SHANK2: variants seen among roughly 807,000 people sequenced by gnomAD.
SHANK2 encodes the protein SH3 and multiple ankyrin repeat domains protein 2.
A neutral mutation model predicts 133.7 loss-of-function variants in SHANK2; 43 were observed. The ratio of observed to expected loss-of-function variants is 0.32; its 90% CI spans 0.25 to 0.41. The LOEUF is 0.41. SHANK2 is among the 10% of genes least tolerant of loss of function. The probability of loss-of-function intolerance (pLI) is 1.00; values close to 1 mark genes in which losing one functional copy is unlikely to be tolerated. For synonymous variants in SHANK2, 1,017 were observed against 952.8 expected (o/e 1.07, Z -1.24); for missense variants, 1,994 against 2,235.8 (o/e 0.89, Z 2.18).
chr11:70,782,405 T>G (rs1555045371), intron 14 of SHANK2, among the ~76,000 whole-genome samples: 1 of 152,228 alleles, frequency 6.6e-6, no homozygotes. Context: ...CCAGCCTCCC[T>G]GGCATAGATG....
intron 10 of SHANK2, among the ~76,000 whole-genome samples, chr11:70,939,461 G>C (rs554789219): frequency 4.6e-5 from 7 of 152,276 alleles, no homozygotes; most frequent in Non-Finnish European, 1.0e-4. Context: ...CTGGGCAACA[G>C]AGTGAGACTG....
At chr11:70,683,791 T>G (rs548140051) in intron 15 of SHANK2, among the ~76,000 whole-genome samples, 1 of 150,678 alleles carries the variant, frequency 6.6e-6, no homozygotes, top group South Asian at 2.1e-4. Context: ...TCCTTTTTGT[T>G]TTTTTTTTTT....
chr11:70,869,413 C>T (rs13377377), intron 11 of SHANK2, among the ~76,000 whole-genome samples: 1,742 of 152,300 alleles, frequency 0.011, 29 homozygotes, highest in African/African-American at 0.039. Context: ...CGTTATTAAA[C>T]CCACTGGGAC....
intron 17 of SHANK2, among the ~76,000 whole-genome samples, chr11:70,509,745 G>A (rs892849856): frequency 6.6e-6 from 1 of 151,542 alleles, no homozygotes; most frequent in African/African-American, 2.4e-5. Flanking sequence ...ATCATGAGGC[G>A]GAGCCTTCGT....
intron 13 of SHANK2, among the ~76,000 whole-genome samples, chr11:70,802,007 G>T (rs983740428): frequency 1.4e-4 from 21 of 152,268 alleles, no homozygotes; most frequent in African/African-American, 5.1e-4. Flanking sequence ...AAGCACAGAG[G>T]GGGTGCGGCG....
intron 17 of SHANK2, among the ~76,000 whole-genome samples, chr11:70,533,937 T>A (rs554074902): frequency 1.3e-5 from 2 of 152,318 alleles, no homozygotes; most frequent in East Asian, 3.9e-4. Context: ...GCACGTCTCA[T>A]CACTTTCTTC....
intron 17 of SHANK2, among the ~76,000 whole-genome samples, chr11:70,509,445 G>C (rs998762996): frequency 1.9e-5 from 1 of 52,370 alleles, no homozygotes; most frequent in Non-Finnish European, 9.1e-5. Flanking sequence ...TCCCATTGAG[G>C]GGGGGCTCCC....
At chr11:70,717,887 A>C (rs1489400792) in intron 14 of SHANK2, among the ~76,000 whole-genome samples, 1 of 152,236 alleles carries the variant, frequency 6.6e-6, no homozygotes, top group African/African-American at 2.4e-5. Context: ...ATGAAGAAGA[A>C]AGATGGCTCC....
At chr11:71,094,462 T>C in intron 7 of SHANK2, 75 bp downstream of exon 7, 1 of 1,440,628 alleles carries the variant, frequency 6.9e-7, no homozygotes, top group Non-Finnish European at 9.4e-7. Context: ...GGATGGGCAC[T>C]GCGGGGATGG....
At chr11:70,823,102 C>T (rs2135362006) in intron 11 of SHANK2, among the ~76,000 whole-genome samples, 1 of 32,862 alleles carries the variant, frequency 3.0e-5, no homozygotes, top group African/African-American at 1.6e-4. Flanking sequence ...GTGGCGCTGG[C>T]AGAGCTCACG....
intron 14 of SHANK2, among the ~76,000 whole-genome samples, chr11:70,774,976 C>T (rs1947330715): frequency 6.6e-6 from 1 of 151,908 alleles, no homozygotes; most frequent in South Asian, 2.1e-4. Flanking sequence ...CTGGGCAAGA[C>T]AGTGAGACTG....
At chr11:71,146,945 G>A (rs1393412208) in intron 3 of SHANK2, among the ~76,000 whole-genome samples, 175 bp downstream of exon 3, 1 of 152,104 alleles carries the variant, frequency 6.6e-6, no homozygotes, top group Non-Finnish European at 1.5e-5. Flanking sequence ...GAGGGGAGGC[G>A]GGCACGGCAG....
intron 14 of SHANK2, among the ~76,000 whole-genome samples, chr11:70,750,493 C>G (rs1047697968): frequency 6.6e-6 from 1 of 152,150 alleles, no homozygotes; most frequent in Non-Finnish European, 1.5e-5. Context: ...GCCATTTGAC[C>G]GTGGATGAAG....
intron 14 of SHANK2, among the ~76,000 whole-genome samples, chr11:70,769,577 T>G (rs1412531976): frequency 1.3e-5 from 2 of 152,138 alleles, no homozygotes; most frequent in Non-Finnish European, 2.9e-5. Flanking sequence ...GGGGGCTCTC[T>G]GAGCCTTCTG....
intron 17 of SHANK2, chr11:70,566,689 C>T (rs143004710): frequency 3.3e-4 from 50 of 152,338 alleles, no homozygotes; most frequent in African/African-American, 1.1e-3. Context: ...CTTCCCCTCC[C>T]GTGTTTGATG....
chr11:71,186,614 A>G (rs1417528576), intron 2 of SHANK2, among the ~76,000 whole-genome samples: 2 of 152,228 alleles, frequency 1.3e-5, no homozygotes, highest in African/African-American at 4.8e-5. Context: ...TAGAGGGGTC[A>G]TAAGAGACCT....
chr11:70,599,522 G>T (rs1416126096), intron 17 of SHANK2, among the ~76,000 whole-genome samples: 5 of 127,932 alleles, frequency 3.9e-5, no homozygotes, highest in African/African-American at 1.4e-4. Flanking sequence ...CAGGAGAATG[G>T]CGTGAACCCC....
chr11:70,855,424 T>A (rs1400790693), intron 11 of SHANK2, among the ~76,000 whole-genome samples: 1 of 152,198 alleles, frequency 6.6e-6, no homozygotes, highest in African/African-American at 2.4e-5. Flanking sequence ...AACCCCTTGC[T>A]CAGATCTGAT....
rs539653378 is a variant in SHANK2, at chr11:71,201,776, G to A, written c.-13+22921C>T. ...TGGCTTTGAAGTCCAGAAGGAGCACGTTGTCTCCCACCAGGAGACGGGGGA... is the reference window on the plus strand; with the variant it reads ...TGGCTTTGAAGTCCAGAAGGAGCACATTGTCTCCCACCAGGAGACGGGGGA... On this transcript the variant is annotated intron_variant, in intron 2 of 25. Coordinates refer to ENST00000601538, the MANE Select transcript of SHANK2 (RefSeq NM_012309.5). Among the ~76,000 whole-genome samples the A allele has an allele frequency of 7.8e-4, 119 of 152,296 alleles. 1 individual carries two copies. The highest frequency in any genetic ancestry group is 2.7e-3 in the African/African-American group (113 of 41,546).
Sources: gnomAD v4.1 joint callset for allele counts (sites outside exome capture counted in the v4.1 genomes callset) on GRCh38, gnomAD v4.1.1 for gene constraint, MANE v1.5 for transcripts, NCBI Gene and HGNC (gene_info 2026-07-23, HGNC 2026-07-21) for gene names.